Variants in GRM1 observed in about 807,000 individuals in gnomAD.
GRM1 encodes glutamate metabotropic receptor 1.
GRM1 carries 33 observed loss-of-function variants against 90.9 expected under a neutral mutation model. The observed-to-expected ratio is 0.36, with a 90% CI of 0.28 to 0.49. GRM1 has a LOEUF of 0.49. GRM1 is among the 20% of genes least tolerant of loss of function. The pLI, the probability that GRM1 is intolerant of heterozygous loss-of-function variation, is 0.99. For missense variants in GRM1, 1,190 were observed against 1,534.3 expected, an observed-to-expected ratio of 0.78 and a Z score of 3.75; for synonymous variants, 700 against 613.2, an observed-to-expected ratio of 1.14 and a Z score of -2.09.
At chr6:146,284,930 G>A (rs1168086838) in intron 2 of GRM1, among the ~76,000 whole-genome samples, 3 of 152,186 alleles carry the variant, frequency 2.0e-5, no homozygotes, top group East Asian at 3.9e-4. Flanking sequence ...TGATGGATAA[G>A]TCCTTGAAAT....
rs756462098 is a variant in GRM1 at position 146,366,864 on chromosome 6, GTTAA to G, written c.1602+9173_1602+9176del. 1.1e-3 allele frequency among the ~76,000 whole-genome samples: 162 copies of G among 152,208 alleles called. 5 individuals are homozygous for G. Among genetic ancestry groups the G allele is most frequent in the Non-Finnish European group, 2.8e-4 (19 of 68,000 alleles). Reference sequence around the variant, plus strand: ...ATCCTGTAGGTTGTCTCTTCACTGTGTTAATTGTTTCCTTTGCTGTGAAGGAGCT... The same window carrying G: ...ATCCTGTAGGTTGTCTCTTCACTGTGTTGTTTCCTTTGCTGTGAAGGAGCT... On this transcript the variant is annotated intron_variant, in intron 5 of 7. Transcript: ENST00000282753.
chr6:146,242,619 T>C (rs1780906765), intron 2 of GRM1, among the ~76,000 whole-genome samples: 1 of 152,176 alleles, frequency 6.6e-6, no homozygotes, highest in Admixed American at 6.5e-5. Context: ...CTGTGCTCTG[T>C]CGACACCCTT....
At chr6:146,054,499 A>G (rs138517426) in intron 1 of GRM1, among the ~76,000 whole-genome samples, 193 of 152,192 alleles carry the variant, frequency 1.3e-3, no homozygotes, top group African/African-American at 4.4e-3. Context: ...TCTGTACCTT[A>G]TATTTTATCC....
At chr6:146,258,547 C>T (rs984203859) in intron 2 of GRM1, among the ~76,000 whole-genome samples, 6 of 151,568 alleles carry the variant, frequency 4.0e-5, no homozygotes, top group African/African-American at 1.5e-4. Context: ...TGAGATAGGC[C>T]CTTGCTCTGT....
At chr6:146,357,480 C>T (rs1027294196) in intron 4 of GRM1, 46 bp from the exon 5 acceptor site, 10 of 1,486,734 alleles carry the variant, frequency 6.7e-6, no homozygotes, top group Non-Finnish European at 8.5e-6. Context: ...TTGTTTTCTA[C>T]ATTATGTCTA....
intron 1 of GRM1, among the ~76,000 whole-genome samples, chr6:146,052,348 C>G (rs897469231): frequency 6.6e-6 from 1 of 152,008 alleles, no homozygotes; most frequent in East Asian, 1.9e-4. Flanking sequence ...GTTGTCACTT[C>G]TGGCTGCTCA....
At chr6:146,288,109 G>A (rs1782831412) in intron 2 of GRM1, among the ~76,000 whole-genome samples, 1 of 152,166 alleles carries the variant, frequency 6.6e-6, no homozygotes, top group Non-Finnish European at 1.5e-5. Flanking sequence ...GAATTTTAAG[G>A]AACATGATAG....
At chr6:146,193,692 T>C (rs1213846926) in intron 2 of GRM1, among the ~76,000 whole-genome samples, 1 of 150,800 alleles carries the variant, frequency 6.6e-6, no homozygotes, top group Non-Finnish European at 1.5e-5. Flanking sequence ...TGTTCTTACC[T>C]TTTTTTTTAA....
At chr6:146,193,153 T>A (rs570308836) in intron 2 of GRM1, among the ~76,000 whole-genome samples, 2 of 152,284 alleles carry the variant, frequency 1.3e-5, no homozygotes, top group Non-Finnish European at 2.9e-5. Context: ...GTATATTAAA[T>A]TTAAGATGCC....
intron 2 of GRM1, among the ~76,000 whole-genome samples, chr6:146,245,821 A>G (rs968471236): frequency 2.1e-4 from 32 of 152,196 alleles, no homozygotes; most frequent in Non-Finnish European, 2.8e-4. Flanking sequence ...TTCATTTTCA[A>G]CTGTCTATTA....
chr6:146,061,114 T>A (rs1210384546), intron 1 of GRM1, among the ~76,000 whole-genome samples: 1 of 152,102 alleles, frequency 6.6e-6, no homozygotes, highest in African/African-American at 2.4e-5. Flanking sequence ...TCAGAAAACA[T>A]ACAACATTTA....
At chr6:146,236,197 G>A (rs1425564708) in intron 2 of GRM1, among the ~76,000 whole-genome samples, 1 of 152,080 alleles carries the variant, frequency 6.6e-6, no homozygotes, top group Non-Finnish European at 1.5e-5. Context: ...GTTTTCAAAA[G>A]TAAAATAAAA....
At chr6:146,404,773 G>A (rs182398787) in intron 7 of GRM1, among the ~76,000 whole-genome samples, 10 of 152,290 alleles carry the variant, frequency 6.6e-5, no homozygotes, top group Non-Finnish European at 1.2e-4. Context: ...GGAAGTTTCA[G>A]TACTTTTTCT....
chr6:146,182,555 T>C (rs1390914130), intron 2 of GRM1, among the ~76,000 whole-genome samples: 7 of 152,186 alleles, frequency 4.6e-5, no homozygotes, highest in Non-Finnish European at 1.0e-4. Context: ...TTCCTGATGC[T>C]CTTTAAATAA....
chr6:146,322,224 C>A (rs568335512), intron 3 of GRM1, among the ~76,000 whole-genome samples: 20 of 152,210 alleles, frequency 1.3e-4, no homozygotes, highest in Non-Finnish European at 2.4e-4. Flanking sequence ...GTATTACCAG[C>A]AGAGGCTGCA....
intron 2 of GRM1, among the ~76,000 whole-genome samples, chr6:146,208,222 C>G (rs1779559316): frequency 6.6e-6 from 1 of 152,178 alleles, no homozygotes; most frequent in African/African-American, 2.4e-5. Flanking sequence ...TGTCAGGCGA[C>G]TTCATGATCC....
chr6:146,134,397 A>C (rs1344530084), intron 1 of GRM1, among the ~76,000 whole-genome samples: 1 of 152,230 alleles, frequency 6.6e-6, no homozygotes, highest in East Asian at 1.9e-4. Context: ...GTACTGTATT[A>C]GTCCGTTCTC....
rs1232840108 is a variant in GRM1 at position 146,029,233 on chromosome 6, T to G, written c.-285T>G. ...ACCGCTGCCAACACGACTTCCACTG[T>G]ACTCTTGATCAATTTACCTTGATGC... On this transcript the variant is annotated 5_prime_UTR_variant, in exon 1 of 8. Transcript: ENST00000282753. The G allele has an allele frequency of 7.4e-5, 37 of 496,668 alleles. No homozygotes were observed. Among genetic ancestry groups the G allele is most frequent in the Non-Finnish European group, 1.1e-4 (31 of 272,150 alleles). The allele number at this position is 496,668 out of a possible 1,614,324, so 30.8% of individuals were successfully genotyped here. A position where few individuals can be genotyped will look rare whatever the true frequency, so the allele number is the denominator to read the frequency against.
At chr6:146,040,982 T>C (rs1310466722) in intron 1 of GRM1, among the ~76,000 whole-genome samples, 1 of 152,006 alleles carries the variant, frequency 6.6e-6, no homozygotes, top group Non-Finnish European at 1.5e-5. Context: ...AAATAACCTG[T>C]CTTCAAGCTC....
Sources: allele counts gnomAD v4.1 joint callset (sites outside exome capture counted in the v4.1 genomes callset), GRCh38; gene constraint gnomAD v4.1.1; transcripts MANE v1.5; gene names NCBI Gene and HGNC (gene_info 2026-07-23, HGNC 2026-07-21).